The following ZFAT variants were observed in gnomAD, a reference collection of about 807,000 sequenced individuals.
ZFAT encodes zinc finger and AT-hook domain containing, also known as zinc finger protein ZFAT.
Under a neutral mutation model 117.7 loss-of-function variants are expected in ZFAT, and 64 were observed. The observed-to-expected ratio is 0.54, with a 90% CI of 0.44 to 0.67. The LOEUF is 0.67. Among genes scored for constraint, ZFAT ranks in the 30% least tolerant of loss-of-function variants. ZFAT has a pLI of 0.00. For synonymous variants in ZFAT, 679 were observed against 615.0 expected, an observed-to-expected ratio of 1.10 and a Z score of -1.54; for missense variants, 1,433 against 1,584.5, an observed-to-expected ratio of 0.90 and a Z score of 1.62.
chr8:134,617,445 G>C (rs1828825523), intron 3 of ZFAT, among the ~76,000 whole-genome samples: 1 of 152,162 alleles, frequency 6.6e-6, no homozygotes, highest in South Asian at 2.1e-4. Flanking sequence ...GTCCCAGCTA[G>C]TATTAATAAC....
the ZFAT span, among the ~76,000 whole-genome samples, chr8:134,799,257 T>C: frequency 6.6e-6 from 1 of 152,208 alleles, no homozygotes; most frequent in Non-Finnish European, 1.5e-5. Context: ...GCACCAAGCA[T>C]GAATTCTAAT....
intron 3 of ZFAT, among the ~76,000 whole-genome samples, chr8:134,633,412 T>A (rs1346897187): frequency 1.3e-5 from 2 of 152,172 alleles, no homozygotes; most frequent in African/African-American, 2.4e-5. Flanking sequence ...AAAATAATAA[T>A]AATAAATCTG....
chr8:134,680,913 T>C (rs1833042021), intron 1 of ZFAT, among the ~76,000 whole-genome samples: 1 of 152,238 alleles, frequency 6.6e-6, no homozygotes, highest in Admixed American at 6.5e-5. Context: ...GACTTCTGTA[T>C]TATCTTTACA....
chr8:134,766,474 TCATGCC>T, the ZFAT span: 1 of 152,208 alleles, frequency 6.6e-6, no homozygotes. Flanking sequence ...CAATCATCTG[TCATGCC>T]CATCTTGTTT....
chr8:134,746,451 G>A, the ZFAT span, among the ~76,000 whole-genome samples: 1 of 152,140 alleles, frequency 6.6e-6, no homozygotes, highest in African/African-American at 2.4e-5. Context: ...CCCTAAAATC[G>A]CATTAGCTTT....
chr8:134,535,972 T>C (rs1213008202), intron 11 of ZFAT, among the ~76,000 whole-genome samples: 1 of 152,042 alleles, frequency 6.6e-6, no homozygotes. Context: ...AAAAGGGCGA[T>C]GAAAATAAGA....
intron 15 of ZFAT, among the ~76,000 whole-genome samples, chr8:134,499,399 T>A (rs1255062917): frequency 4.7e-5 from 7 of 147,488 alleles, no homozygotes; most frequent in African/African-American, 1.8e-4. Flanking sequence ...GGAGCTGGGA[T>A]GCCCCCGTTG....
At chr8:134,816,997 A>C in the ZFAT span, among the ~76,000 whole-genome samples, 22 of 151,916 alleles carry the variant, frequency 1.4e-4, no homozygotes, top group African/African-American at 5.1e-4. Context: ...AAAAAAAAAA[A>C]GTATACCATT....
In ZFAT at chr8:134,713,028, G is replaced by GAA; in HGVS notation, c.-166_-165insTT. Reference sequence around the variant, plus strand: ...GCGAATCTGCGGCATCCAACATGGCGGATGGAGTCTTCGCCCTCCTCCCCA... The same window carrying GAA: ...GCGAATCTGCGGCATCCAACATGGCGAAGATGGAGTCTTCGCCCTCCTCCCCA... On this transcript the variant is annotated 5_prime_UTR_variant, in exon 1 of 16. Coordinates refer to ENST00000377838, the MANE Select transcript of ZFAT (RefSeq NM_020863.4). 2.6e-6 allele frequency: 2 copies of GAA among 782,894 alleles called. No homozygotes were observed. Among genetic ancestry groups the GAA allele is most frequent in the Non-Finnish European group, 3.6e-6 (2 of 551,426 alleles). The allele number at this position is 782,894 out of a possible 1,614,324, so 48.5% of individuals were successfully genotyped here. A position where few individuals can be genotyped will look rare whatever the true frequency, so the allele number is the denominator to read the frequency against.
chr8:134,661,414 G>A (rs964353919), intron 1 of ZFAT, among the ~76,000 whole-genome samples: 15 of 152,238 alleles, frequency 9.9e-5, no homozygotes, highest in African/African-American at 3.6e-4. Flanking sequence ...GGCTGGCCCT[G>A]AAGGAGAGGC....
At chr8:134,689,126 C>CTA (rs1833476110) in intron 1 of ZFAT, among the ~76,000 whole-genome samples, 1 of 152,334 alleles carries the variant, frequency 6.6e-6, no homozygotes, top group African/African-American at 2.4e-5. Flanking sequence ...CTGCCCATCA[C>CTA]CATAATACAC....
chr8:134,586,662 C>T (rs575460886), intron 9 of ZFAT, among the ~76,000 whole-genome samples: 1 of 152,366 alleles, frequency 6.6e-6, no homozygotes, highest in South Asian at 2.1e-4. Context: ...CTGTGACCAT[C>T]GGCTACGAAT....
At chr8:134,509,946 C>A in intron 14 of ZFAT, 197 bp from the exon 15 acceptor site, 1 of 655,096 alleles carries the variant, frequency 1.5e-6, no homozygotes. Context: ...ATAAGAACAT[C>A]TCAAAACCCC....
chr8:134,601,676 G>C lies in ZFAT; in HGVS notation c.2043C>G (p.Ala681=). Residue 681 remains alanine, a synonymous_variant, in exon 6 of 16, where the codon GCC becomes GCG. Coordinates refer to ENST00000377838, the MANE Select transcript of ZFAT (RefSeq NM_020863.4). The part of the protein sequence containing the change: ...SRCLRSNPAE[A]SDLLPPVAGG... The stretch of plus-strand genomic sequence containing the variant: ...CAGCTACTGGAGGGAGGAGGTCTGA[G>C]GCCTCAGCTGGGTTTGACCTGAGAC... 3 of 1,614,094 alleles carry C rather than the reference G, an allele frequency of 1.9e-6. No homozygotes were observed. Among genetic ancestry groups the C allele is most frequent in the Non-Finnish European group, 2.5e-6 (3 of 1,179,984 alleles).
At chr8:134,738,747 C>A in the ZFAT span, among the ~76,000 whole-genome samples, 6 of 152,048 alleles carry the variant, frequency 3.9e-5, no homozygotes, top group Non-Finnish European at 8.8e-5. Context: ...AGGTAACTAG[C>A]AGGAAGCAGA....
At chr8:134,686,354 G>T (rs1188198340) in intron 1 of ZFAT, among the ~76,000 whole-genome samples, 1 of 152,150 alleles carries the variant, frequency 6.6e-6, no homozygotes, top group Admixed American at 6.5e-5. Flanking sequence ...CCTGGGTTGG[G>T]GGCTGGGACC....
In ZFAT at chr8:134,657,565, T is replaced by C; in HGVS notation, c.192A>G (p.Gly64=). The C allele has an allele frequency of 6.2e-7, 1 of 1,609,202 alleles. No individual in the cohort carries two copies. Among genetic ancestry groups the C allele is most frequent in the Admixed American group, 1.7e-5 (1 of 59,692 alleles). Residue 64 remains glycine (G), a synonymous_variant, in exon 2 of 16, where the codon GGA becomes GGG. Transcript: ENST00000377838. ...CCCACCCCCCAGCCCCCTTACCATC[T>C]CCGGTTTTGCTTGAGTTGGGGGGTT... The part of the protein sequence containing the change: ...TPEPPNSSKT[G]DEFLVMKRKR...
chr8:134,594,357 T>C (rs16905192), intron 7 of ZFAT, among the ~76,000 whole-genome samples: 7,584 of 152,332 alleles, frequency 0.05, 639 homozygotes, highest in African/African-American at 0.17. Context: ...GGTGTACCCA[T>C]TTATTTCCAG....
chr8:134,690,132 A>C (rs1410447482), intron 1 of ZFAT, among the ~76,000 whole-genome samples: 1 of 152,192 alleles, frequency 6.6e-6, no homozygotes, highest in Non-Finnish European at 1.5e-5. Flanking sequence ...CAGTATTCAC[A>C]TTATTTCCAG....
Sources: gnomAD v4.1 joint callset for allele counts (sites outside exome capture counted in the v4.1 genomes callset) on GRCh38, gnomAD v4.1.1 for gene constraint, MANE v1.5 for transcripts, NCBI Gene and HGNC (gene_info 2026-07-23, HGNC 2026-07-21) for gene names.